Variants in ICA1 observed in about 807,000 individuals in gnomAD.
The protein encoded by ICA1 is islet cell autoantigen 1.
A neutral mutation model predicts 71.0 loss-of-function variants in ICA1; 40 were observed. The ratio of observed to expected loss-of-function variants is 0.56; its 90% CI spans 0.44 to 0.73. The LOEUF (loss-of-function observed/expected upper bound fraction) is 0.73. ICA1 is among the 30% of genes least tolerant of loss of function. The pLI, the probability that ICA1 is intolerant of heterozygous loss-of-function variation, is 0.00. For synonymous variants in ICA1, 207 were observed against 209.5 expected (o/e 0.99, Z 0.10); for missense variants, 578 against 576.5 (o/e 1.00, Z -0.03).
At chr7:8,137,308 A>G (rs2128108721) in intron 12 of ICA1, among the ~76,000 whole-genome samples, 1 of 152,362 alleles carries the variant, frequency 6.6e-6, no homozygotes, top group African/African-American at 2.4e-5. Context: ...AAAAGCAAAG[A>G]GCAAATTATA....
chr7:8,204,154 T>C (rs1790695364), intron 6 of ICA1, among the ~76,000 whole-genome samples: 1 of 152,198 alleles, frequency 6.6e-6, no homozygotes, highest in African/African-American at 2.4e-5. Flanking sequence ...ACGTGGCATG[T>C]GCTGGAAGAT....
intron 6 of ICA1, among the ~76,000 whole-genome samples, chr7:8,166,307 T>A (rs1021627386): frequency 6.6e-6 from 1 of 152,162 alleles, no homozygotes; most frequent in Non-Finnish European, 1.5e-5. Context: ...CGTAGACCAG[T>A]GGAGCAGAAT....
intron 6 of ICA1, among the ~76,000 whole-genome samples, chr7:8,193,607 G>A (rs1435761044): frequency 6.6e-6 from 1 of 152,200 alleles, no homozygotes; most frequent in African/African-American, 2.4e-5. Context: ...TAAGAAAATG[G>A]TGGTGGCAAA....
chr7:8,167,679 T>C (rs1806589684), intron 6 of ICA1, among the ~76,000 whole-genome samples: 1 of 152,186 alleles, frequency 6.6e-6, no homozygotes, highest in East Asian at 1.9e-4. Context: ...TTCTTCTCTT[T>C]ACTTTAATAA....
At chr7:8,126,977 A>ATT (rs35052494) in intron 13 of ICA1, among the ~76,000 whole-genome samples, 4 of 137,692 alleles carry the variant, frequency 2.9e-5, no homozygotes, top group Admixed American at 7.3e-5. Flanking sequence ...CCCCTCCAGC[A>ATT]TTTTTTTTTT....
chr7:8,261,236 A>G (rs1206280598), intron 1 of ICA1, among the ~76,000 whole-genome samples: 1 of 152,200 alleles, frequency 6.6e-6, no homozygotes, highest in East Asian at 1.9e-4. Flanking sequence ...CTTCGCCAGA[A>G]TAAGGGCGCG....
chr7:8,152,741 AACC>A (rs1303159867), intron 8 of ICA1, among the ~76,000 whole-genome samples: 1 of 19,908 alleles, frequency 5.0e-5, no homozygotes, highest in Non-Finnish European at 1.1e-4. Context: ...CCACCACCAC[AACC>A]ACCATCTCCT....
intron 10 of ICA1, among the ~76,000 whole-genome samples, chr7:8,141,491 G>T (rs1049593165): frequency 6.6e-6 from 1 of 152,238 alleles, no homozygotes; most frequent in Admixed American, 6.5e-5. Flanking sequence ...CGATTTGCCA[G>T]TTCCCATCGT....
intron 12 of ICA1, among the ~76,000 whole-genome samples, chr7:8,135,561 A>G (rs1044300424): frequency 6.6e-6 from 1 of 152,226 alleles, no homozygotes; most frequent in Non-Finnish European, 1.5e-5. Context: ...TCAGTAATAT[A>G]TGGACAACTG....
rs535302593 is a variant in ICA1 at position 8,256,985 on chromosome 7, C to T, written c.-80+5109G>A. Among the ~76,000 whole-genome samples, 6 of 152,330 alleles carry T rather than the reference C, an allele frequency of 3.9e-5. No individual in the cohort carries two copies. The South Asian group carries it at 1.2e-3, about 32-fold the overall frequency. On this transcript the variant is annotated intron_variant, in intron 1 of 13. Coordinates refer to ENST00000402384, the MANE Select transcript of ICA1 (RefSeq NM_001136020.3). ...AAGGACGAAGTAATTTACCCAAAGTCAACAACTGGTAAACACAAGTTTACT... is the reference window on the plus strand; with the variant it reads ...AAGGACGAAGTAATTTACCCAAAGTTAACAACTGGTAAACACAAGTTTACT...
At chr7:8,169,241 A>G (rs923939166) in intron 6 of ICA1, among the ~76,000 whole-genome samples, 4 of 152,126 alleles carry the variant, frequency 2.6e-5, no homozygotes, top group Admixed American at 2.6e-4. Flanking sequence ...GTATGAATAT[A>G]CTGTTACTTG....
At chr7:8,193,133 T>C (rs762066029) in intron 6 of ICA1, among the ~76,000 whole-genome samples, 4 of 152,228 alleles carry the variant, frequency 2.6e-5, no homozygotes. Flanking sequence ...GGGAAATGTT[T>C]ATATGTATAT....
At chr7:8,212,099 ATTC>A (rs1411582701) in intron 6 of ICA1, among the ~76,000 whole-genome samples, 1 of 152,186 alleles carries the variant, frequency 6.6e-6, no homozygotes, top group African/African-American at 2.4e-5. Flanking sequence ...TGCATGAAAC[ATTC>A]TTATTTTTTT....
At chr7:8,218,061 A>T (rs1438854484) in intron 6 of ICA1, among the ~76,000 whole-genome samples, 1 of 152,244 alleles carries the variant, frequency 6.6e-6, no homozygotes, top group Admixed American at 6.5e-5. Context: ...ACATTATAAG[A>T]AAATCTGACT....
intron 6 of ICA1, among the ~76,000 whole-genome samples, chr7:8,162,327 T>A (rs1485411600): frequency 6.6e-6 from 1 of 152,234 alleles, no homozygotes; most frequent in Non-Finnish European, 1.5e-5. Context: ...ATGTCAACAA[T>A]GATTATTAAA....
At chr7:8,177,907 C>T (rs1294738750) in intron 6 of ICA1, among the ~76,000 whole-genome samples, 2 of 152,108 alleles carry the variant, frequency 1.3e-5, no homozygotes, top group African/African-American at 2.4e-5. Context: ...TGGTTGATAT[C>T]GGTGTTCAGA....
At chr7:8,245,815 G>C (rs1191503398) in intron 1 of ICA1, among the ~76,000 whole-genome samples, 1 of 152,152 alleles carries the variant, frequency 6.6e-6, no homozygotes, top group Non-Finnish European at 1.5e-5. Flanking sequence ...GAGCCACACG[G>C]GGTTAGTGGA....
chr7:8,179,555 G>A (rs1781570837), intron 6 of ICA1, among the ~76,000 whole-genome samples: 2 of 152,144 alleles, frequency 1.3e-5, no homozygotes, highest in African/African-American at 2.4e-5. Context: ...ACTATCGAAC[G>A]GTTTTGCGGT....
intron 12 of ICA1, among the ~76,000 whole-genome samples, chr7:8,137,244 T>C (rs992796524): frequency 6.6e-6 from 1 of 152,168 alleles, no homozygotes; most frequent in Non-Finnish European, 1.5e-5. Context: ...AGTGTGAATG[T>C]ACTACCTAGT....
Sources: allele counts gnomAD v4.1 joint callset (sites outside exome capture counted in the v4.1 genomes callset), GRCh38; gene constraint gnomAD v4.1.1; transcripts MANE v1.5; gene names NCBI Gene and HGNC (gene_info 2026-07-23, HGNC 2026-07-21).